BSN: variants seen among roughly 807,000 people sequenced by gnomAD.
BSN encodes protein bassoon.
In BSN, 57 loss-of-function variants were observed where a neutral mutation model predicts 264.8. The observed-to-expected ratio is 0.22, with a 90% CI of 0.17 to 0.27. The LOEUF is 0.27. BSN is among the 10% of genes least tolerant of loss of function. The pLI is 1.00. For missense variants in BSN, 4,615 were observed against 5,232.5 expected, an observed-to-expected ratio of 0.88 and a Z score of 3.64; for synonymous variants, 2,059 against 2,137.3, an observed-to-expected ratio of 0.96 and a Z score of 1.01.
At chr3:49,600,264 G>A (rs1315439596) in intron 1 of BSN, among the ~76,000 whole-genome samples, 1 of 152,176 alleles carries the variant, frequency 6.6e-6, no homozygotes, top group Non-Finnish European at 1.5e-5. Flanking sequence ...TGTTGGCAGA[G>A]GAATGGGGGA....
chr3:49,577,786 C>T (rs1243261890), intron 1 of BSN, among the ~76,000 whole-genome samples: 1 of 151,966 alleles, frequency 6.6e-6, no homozygotes, highest in African/African-American at 2.4e-5. Context: ...GTAATCCACC[C>T]GCCTCGGCCT....
In BSN at chr3:49,652,046, C is replaced by A. The variant is rs1361438581; in HGVS notation, c.2490C>A (p.Pro830=). ...GCCTGTCCCCTCTTCCACCCCAGCC[C>A]CCAGCCCGGGCAGCAGAACTGACTG... ...EGGLSPLPPQ[P]PARAAELTDE... is the part of the protein sequence containing the mutation. Residue 830 remains proline, a synonymous_variant, in exon 5 of 12, where the codon CCC becomes CCA. Transcript: ENST00000296452. 1 of 1,610,348 alleles carries A rather than the reference C, an allele frequency of 6.2e-7. No homozygotes were observed. The highest frequency in any genetic ancestry group is 2.2e-5 in the East Asian group (1 of 44,812).
At chr3:49,622,828 C>T (rs2052315827) in intron 1 of BSN, among the ~76,000 whole-genome samples, 1 of 152,178 alleles carries the variant, frequency 6.6e-6, no homozygotes, top group Non-Finnish European at 1.5e-5. Flanking sequence ...GCTGTGGCCA[C>T]CACCATGCTA....
Position 49,662,321 on chromosome 3 carries a change from G to A in BSN, c.10476G>A (p.Arg3492=). Residue 3492 remains arginine (R), a synonymous_variant, in exon 6 of 12, where the codon CGG becomes CGA. Coordinates refer to ENST00000296452, the MANE Select transcript of BSN (RefSeq NM_003458.4). ...CATCCCTAAGTATGGCCCACAGCCG[G>A]GTACGACCCCCCATGCGGAGCCAGG... is the stretch of plus-strand genomic sequence containing the variant. ...KPSSLSMAHS[R]VRPPMRSQAS... 1 of 1,613,718 alleles carries A rather than the reference G, an allele frequency of 6.2e-7. No homozygotes were observed. Among genetic ancestry groups the A allele is most frequent in the African/African-American group, 1.3e-5 (1 of 75,064 alleles).
Position 49,657,446 on chromosome 3 carries a change from G to C in BSN, c.7890G>C (p.Arg2630Ser). 6.2e-7 allele frequency: 1 copy of C among 1,612,818 alleles called. No individual in the cohort carries two copies. Among genetic ancestry groups the C allele is most frequent in the South Asian group, 1.1e-5 (1 of 91,068 alleles). Residue 2630 changes from arginine (R) to serine (S), a missense_variant, in exon 5 of 12, where the codon AGG becomes AGC. Coordinates refer to ENST00000296452, the MANE Select transcript of BSN (RefSeq NM_003458.4). ...GGGAGCAGCCAGTGCGCCGCCGCAG[G>C]TCTCGTCTTCCCCGCCACTCAGACT... ...AEWEQPVRRR[R>S]SRLPRHSDSG... is the part of the protein sequence containing the mutation.
At position 49,667,905 on chromosome 3, in the gene BSN, C is replaced by G. The variant is rs2052723546; in HGVS notation, c.*420C>G. 1 of 152,480 alleles carries G rather than the reference C, an allele frequency of 6.6e-6. No homozygotes were observed. Among genetic ancestry groups the G allele is most frequent in the African/African-American group, 2.4e-5 (1 of 41,402 alleles). 9.4% of individuals were successfully genotyped at this position (152,480 alleles called of 1,614,324 possible). ...GGCCAGGCTTCCCGTGCGTTATACACAGAGTTTGGGCACACACTGCCCTCC... is the reference window on the plus strand; with the variant it reads ...GGCCAGGCTTCCCGTGCGTTATACAGAGAGTTTGGGCACACACTGCCCTCC... On this transcript the variant is annotated 3_prime_UTR_variant, in exon 12 of 12. Transcript: ENST00000296452.
Position 49,657,724 on chromosome 3 carries a change from A to G in BSN, c.8168A>G (p.Asp2723Gly), listed in dbSNP as rs146062213. Residue 2723 changes from aspartate (D) to glycine (G), a missense_variant, in exon 5 of 12, where the codon GAT becomes GGT. Physicochemically the swap from Asp to Gly is moderately conservative, Grantham distance 94 (BLOSUM62 -1). Around this residue, in one of 3 missense-constraint regions of BSN, gnomAD observed 3,415 missense variants for 3,866.4 expected, o/e 0.88. Transcript: ENST00000296452. Reference protein sequence around the residue: ...GESLACQTEPDGQAQGVAGPQ... With the variant: ...GESLACQTEPGGQAQGVAGPQ... ...AGCCTGGCCTGCCAGACGGAGCCAG[A>G]TGGGCAGGCCCAGGGTGTAGCCGGG... is the stretch of plus-strand genomic sequence containing the variant. 113 of 1,550,450 alleles carry G rather than the reference A, an allele frequency of 7.3e-5. No homozygotes were observed. Among genetic ancestry groups the G allele is most frequent in the Non-Finnish European group, 9.4e-5 (108 of 1,145,802 alleles).
chr3:49,575,864 T>C (rs2051842206), intron 1 of BSN, among the ~76,000 whole-genome samples: 1 of 151,952 alleles, frequency 6.6e-6, no homozygotes, highest in Non-Finnish European at 1.5e-5. Context: ...TTTAGAAGAT[T>C]ATAGGATCTT....
Position 49,554,725 on chromosome 3 carries a change from C to A in BSN, c.123C>A (p.Ala41=), listed in dbSNP as rs1210519375. Residue 41 remains alanine (A), a synonymous_variant, in exon 1 of 12, where the codon GCC becomes GCA. Transcript: ENST00000296452. The stretch of plus-strand genomic sequence containing the variant: ...CAGGAAAGCCGCCTTCAGCACCGGC[C>A]GGTGGCGGACAGCTCCCCGCGGCGG... ...PGAGKPPSAP[A]GGGQLPAAGA... is the part of the protein sequence containing the mutation. 7 of 1,218,640 alleles carry A rather than the reference C, an allele frequency of 5.7e-6. No individual in the cohort carries two copies. In the African/African-American group the frequency reaches 1.1e-4, roughly 19 times the overall value. The allele number at this position is 1,218,640 out of a possible 1,614,324, so 75.5% of individuals were successfully genotyped here.
At chr3:49,626,558 A>T (rs2052342435) in intron 2 of BSN, among the ~76,000 whole-genome samples, 1 of 152,138 alleles carries the variant, frequency 6.6e-6, no homozygotes, top group Admixed American at 6.5e-5. Flanking sequence ...TGATTATTGC[A>T]TCTGTGATTA....
Position 49,656,202 on chromosome 3 carries a change from C to G in BSN, c.6646C>G (p.Leu2216Val). 3 of 1,611,286 alleles carry G rather than the reference C, an allele frequency of 1.9e-6. No homozygotes were observed. The highest frequency in any genetic ancestry group is 2.5e-6 in the Non-Finnish European group (3 of 1,178,854). ...CATCACCACCCAGCCTGCCTCAGTC[C>G]TGCGGCCCATGGTGCGTGGTGGCAT... Reference protein sequence around the residue: ...LPITTQPASVLRPMVRGGMYR... With the variant: ...LPITTQPASVVRPMVRGGMYR... The change falls in exon 5 of 12, where the codon CTG (leucine) becomes GTG (valine). Residue 2216 changes from leucine to valine, a missense_variant. This residue lies in a region of BSN where 3,415 missense variants were observed against 3,866.4 expected (regional missense o/e 0.88). Transcript: ENST00000296452.
downstream of BSN, among the ~76,000 whole-genome samples, chr3:49,672,743 A>C (rs574879304): frequency 6.7e-6 from 1 of 149,346 alleles, no homozygotes; most frequent in Non-Finnish European, 1.5e-5. Flanking sequence ...AGCCTCCCAA[A>C]GTGCTAGGAT....
intron 9 of BSN, 93 bp from the exon 10 acceptor site, chr3:49,664,706 T>G (rs1249754322): frequency 2.2e-5 from 35 of 1,568,630 alleles, no homozygotes; most frequent in Non-Finnish European, 3.0e-5. Flanking sequence ...CTCTGCCCCT[T>G]GGGCTGAGCT....
chr3:49,650,745 C>G lies in BSN; in HGVS notation c.1652C>G (p.Ser551Cys). 5.0e-6 allele frequency: 8 copies of G among 1,613,610 alleles called. No individual in the cohort carries two copies. The highest frequency in any genetic ancestry group is 6.8e-6 in the Non-Finnish European group (8 of 1,179,932). The change falls in exon 4 of 12, where the codon TCC (serine) becomes TGC (cysteine). Residue 551 changes from serine (S) to cysteine (C), a missense_variant. Transcript: ENST00000296452. ...GCCCCTCACCGTGCATCTGGAACATCCCCTCTGAAGCAGAAAGGGCCACAG... is the reference window on the plus strand; with the variant it reads ...GCCCCTCACCGTGCATCTGGAACATGCCCTCTGAAGCAGAAAGGGCCACAG... ...VGAPHRASGT[S>C]PLKQKGPQGL... is the part of the protein sequence containing the mutation.
Position 49,651,875 on chromosome 3 carries a change from T to C in BSN, c.2319T>C (p.Ser773=). Residue 773 remains serine, a synonymous_variant, in exon 5 of 12, where the codon TCT becomes TCC. Transcript: ENST00000296452. The surrounding 1 kb of genome is among the most constrained non-coding windows in gnomAD (Gnocchi z 5.4). ...CCATCACGCCTGAGGCCTTTGACTC[T>C]GATGAGGAGCTGGAGGATATCCTGG... ...SLSITPEAFD[S]DEELEDILEE... The C allele has an allele frequency of 1.2e-6, 2 of 1,613,982 alleles. No individual in the cohort carries two copies. Among genetic ancestry groups the C allele is most frequent in the Non-Finnish European group, 8.5e-7 (1 of 1,180,020 alleles).
rs137887881 is a variant in BSN at position 49,656,389 on chromosome 3, G to T, written c.6833G>T (p.Gly2278Val). The T allele has an allele frequency of 1.3e-6, 2 of 1,593,890 alleles. No individual in the cohort carries two copies. The highest frequency in any genetic ancestry group is 1.7e-6 in the Non-Finnish European group (2 of 1,169,102). ...GCTTCCAGTGTTCCACCTGCAGAAG[G>T]GCCTGTCTATCTGGGGAAACCTGCT... ...PIASSVPPAEGPVYLGKPAAA... is the reference protein window; with the variant it reads ...PIASSVPPAEVPVYLGKPAAA... Residue 2278 changes from glycine to valine, a missense_variant, in exon 5 of 12, where the codon GGG becomes GTG. Physicochemically the swap from Gly to Val is moderately radical, Grantham distance 109 (BLOSUM62 -3). This residue lies in a region of BSN where 3,415 missense variants were observed against 3,866.4 expected (regional missense o/e 0.88). Coordinates refer to ENST00000296452, the MANE Select transcript of BSN (RefSeq NM_003458.4).
chr3:49,585,880 G>C lies in BSN; in HGVS notation c.224+31054G>C, dbSNP rs530833348. On this transcript the variant is annotated intron_variant, in intron 1 of 11. Transcript: ENST00000296452. The surrounding 1 kb of genome is among the most constrained non-coding windows in gnomAD (Gnocchi z 4.7). ...ATGTTGAATACCTTTTTATATGCCT[G>C]TTTGCCATTCGTGTGTCTTCTTTTG... Among the ~76,000 whole-genome samples, 3 of 152,114 alleles carry C rather than the reference G, an allele frequency of 2.0e-5. No homozygotes were observed. Among genetic ancestry groups the C allele is most frequent in the African/African-American group, 7.2e-5 (3 of 41,416 alleles).
At chr3:49,564,816 A>G (rs911774163) in intron 1 of BSN, among the ~76,000 whole-genome samples, 3 of 152,146 alleles carry the variant, frequency 2.0e-5, no homozygotes, top group South Asian at 4.1e-4. Context: ...CACCCTAGCC[A>G]TGGCAGCCCC....
rs780305240 is a variant in BSN at position 49,663,286 on chromosome 3, C to T, written c.11128C>T (p.Arg3710Cys). 25 of 1,614,016 alleles carry T rather than the reference C, an allele frequency of 1.5e-5. No individual in the cohort carries two copies. Among genetic ancestry groups the T allele is most frequent in the East Asian group, 4.5e-5 (2 of 44,896 alleles). ...CTCTGCTGAGTACTCACAGCCATCCCGTGCTTCATCCGCATACCATCATGC... is the reference window on the plus strand; with the variant it reads ...CTCTGCTGAGTACTCACAGCCATCCTGTGCTTCATCCGCATACCATCATGC... ...PSSAEYSQPSRASSAYHHASD... is the reference protein window; with the variant it reads ...PSSAEYSQPSCASSAYHHASD... The change falls in exon 7 of 12, where the codon CGT (arginine) becomes TGT (cysteine). Residue 3710 changes from arginine (R) to cysteine (C), a missense_variant. This residue lies in a region of BSN where 3,415 missense variants were observed against 3,866.4 expected (regional missense o/e 0.88). Coordinates refer to ENST00000296452, the MANE Select transcript of BSN (RefSeq NM_003458.4).
Sources: allele counts gnomAD v4.1 joint callset (sites outside exome capture counted in the v4.1 genomes callset), GRCh38; gene constraint gnomAD v4.1.1; regional missense constraint gnomAD v4.1.1; non-coding constraint Gnocchi (gnomAD v3.1); transcripts MANE v1.5; gene names NCBI Gene and HGNC (gene_info 2026-07-23, HGNC 2026-07-21).